TRAF3IP1: variants seen among roughly 807,000 people sequenced by gnomAD.
The protein encoded by TRAF3IP1 is TRAF3-interacting protein 1.
TRAF3IP1 carries 53 observed loss-of-function variants against 89.9 expected under a neutral mutation model. That is an observed-to-expected ratio of 0.59 (90% CI 0.47 to 0.74). TRAF3IP1 has a LOEUF of 0.74. TRAF3IP1 is among the 30% of genes least tolerant of loss of function. The pLI is 0.00. For missense variants in TRAF3IP1, 806 were observed against 866.1 expected (o/e 0.93, Z 0.87); for synonymous variants, 311 against 322.1 (o/e 0.97, Z 0.37).
chr2:238,368,673 T>C lies in TRAF3IP1; in HGVS notation c.1689+12593T>C, dbSNP rs180954366. On this transcript the variant is annotated intron_variant, in intron 15 of 16. Coordinates refer to ENST00000373327, the MANE Select transcript of TRAF3IP1 (RefSeq NM_015650.4). ...ATACATTTATTTTAGATATTGTTAT[T>C]AATAATTTTTTTTTGAGACGGAGTT... 5.5e-4 allele frequency among the ~76,000 whole-genome samples: 83 copies of C among 152,266 alleles called. 1 individual carries two copies. The East Asian group carries it at 0.012, about 22-fold the overall frequency.
chr2:238,354,204 C>CA (rs1032641176), intron 14 of TRAF3IP1, among the ~76,000 whole-genome samples: 2 of 152,208 alleles, frequency 1.3e-5, no homozygotes, highest in African/African-American at 2.4e-5. Flanking sequence ...CCTTTAGACA[C>CA]ATCCCAGTAC....
At chr2:238,339,708 A>G (rs1698547614) in intron 8 of TRAF3IP1, among the ~76,000 whole-genome samples, 1 of 152,194 alleles carries the variant, frequency 6.6e-6, no homozygotes, top group Non-Finnish European at 1.5e-5. Context: ...AGGGTGAACG[A>G]GGTGTCCATT....
chr2:238,324,462 C>T (rs1697712823), intron 1 of TRAF3IP1, among the ~76,000 whole-genome samples: 1 of 152,174 alleles, frequency 6.6e-6, no homozygotes, highest in African/African-American at 2.4e-5. Flanking sequence ...TCCTTCAGCT[C>T]AGTTCATGTC....
intron 15 of TRAF3IP1, among the ~76,000 whole-genome samples, chr2:238,372,943 T>C (rs1353328294): frequency 6.6e-6 from 1 of 152,256 alleles, no homozygotes; most frequent in Non-Finnish European, 1.5e-5. Context: ...TTGAGAAGTG[T>C]CTGTTCATAT....
chr2:238,371,171 G>A (rs1250528696), intron 15 of TRAF3IP1, among the ~76,000 whole-genome samples: 3 of 152,162 alleles, frequency 2.0e-5, no homozygotes, highest in Admixed American at 6.6e-5. Flanking sequence ...CGTAAAGAGC[G>A]TGAAGCTTGA....
At chr2:238,375,768 G>A (rs1321024098) in intron 15 of TRAF3IP1, among the ~76,000 whole-genome samples, 3 of 152,104 alleles carry the variant, frequency 2.0e-5, no homozygotes, top group African/African-American at 7.2e-5. Context: ...TGCTTTTGGC[G>A]AGTCGGTTAA....
chr2:238,367,722 AAT>A lies in TRAF3IP1; in HGVS notation c.1689+11643_1689+11644del, dbSNP rs1219615160. 2.0e-5 allele frequency among the ~76,000 whole-genome samples: 3 copies of A among 152,154 alleles called. No homozygotes were observed. The East Asian group carries it at 5.8e-4, about 29-fold the overall frequency. On this transcript the variant is annotated intron_variant, in intron 15 of 16. Transcript: ENST00000373327. ...CTGCACCACAACTCACTGCTGAGGA[AAT>A]TGAGGCTTAGGAGAGTCTCAGTCCC... is the stretch of plus-strand genomic sequence containing the variant.
chr2:238,397,408 G>T, intron 15 of TRAF3IP1, 51 bp from the exon 16 acceptor site: 1 of 1,565,808 alleles, frequency 6.4e-7, no homozygotes, highest in Non-Finnish European at 8.8e-7. Flanking sequence ...GCCCTGTTCT[G>T]CCTTTGGACT....
chr2:238,356,615 C>T lies in TRAF3IP1; in HGVS notation c.1689+535C>T, dbSNP rs554669194. Among the ~76,000 whole-genome samples, 6 of 152,184 alleles carry T rather than the reference C, an allele frequency of 3.9e-5. No individual in the cohort carries two copies. In the Middle Eastern group the frequency reaches 0.01, roughly 259 times the overall value. On this transcript the variant is annotated intron_variant, in intron 15 of 16. Transcript: ENST00000373327. ...CCAGCCCCGTCTTGGGAGGGGGCAG[C>T]GGCTTACTTGGGGAGCTCAGGAGCC...
chr2:238,344,043 T>C (rs751280033), intron 8 of TRAF3IP1, among the ~76,000 whole-genome samples: 3 of 152,124 alleles, frequency 2.0e-5, no homozygotes, highest in Non-Finnish European at 2.9e-5. Context: ...CAGTCAGTAA[T>C]TAGTAGACAA....
At chr2:238,365,639 T>C (rs1450032447) in intron 15 of TRAF3IP1, among the ~76,000 whole-genome samples, 5 of 151,166 alleles carry the variant, frequency 3.3e-5, no homozygotes, top group African/African-American at 4.9e-5. Flanking sequence ...GACTGGGTGA[T>C]AGTGTGAGAC....
At chr2:238,335,740 G>T (rs1488033625) in intron 7 of TRAF3IP1, among the ~76,000 whole-genome samples, 10 of 151,104 alleles carry the variant, frequency 6.6e-5, no homozygotes, top group Non-Finnish European at 1.5e-4. Flanking sequence ...GGTCACAGTG[G>T]TTGCTCGCTG....
chr2:238,332,424 G>A (rs975793507), intron 5 of TRAF3IP1, among the ~76,000 whole-genome samples: 14 of 152,288 alleles, frequency 9.2e-5, no homozygotes, highest in Non-Finnish European at 1.9e-4. Flanking sequence ...CAGCAGAGGC[G>A]GCTAGGAGCA....
Position 238,329,209 on chromosome 2 carries a change from G to A in TRAF3IP1, c.782G>A (p.Arg261Lys). The A allele has an allele frequency of 6.4e-7, 1 of 1,563,836 alleles. No homozygotes were observed. The highest frequency in any genetic ancestry group is 8.6e-7 in the Non-Finnish European group (1 of 1,158,882). The change falls in exon 5 of 17, where the codon AGA becomes AAA. Residue 261 changes from arginine (R) to lysine (K), a missense_variant. Physicochemically the swap from Arg to Lys is conservative, Grantham distance 26. This residue lies in a region of TRAF3IP1 where 732 missense variants were observed against 780.5 expected (regional missense o/e 0.94). Transcript: ENST00000373327. ...AGTGAGGGGGGGAAAGAGAAGGAGA[G>A]ACTGAGAGACAGGGACCGAGAGCGC... ...RKSEGGKEKE[R>K]LRDRDRERDR...
At chr2:238,377,295 G>A (rs554823069) in intron 15 of TRAF3IP1, among the ~76,000 whole-genome samples, 2 of 132,704 alleles carry the variant, frequency 1.5e-5, no homozygotes, top group South Asian at 4.8e-4. Context: ...GTGCAGTGGT[G>A]CAATCATGGC....
intron 16 of TRAF3IP1, 34 bp from the exon 17 acceptor site, chr2:238,398,716 TGAGA>T: frequency 6.5e-7 from 1 of 1,537,130 alleles, no homozygotes; most frequent in Non-Finnish European, 8.7e-7. Flanking sequence ...CACAATGAGA[TGAGA>T]GAGTGATGAG....
rs535722941 is a variant in TRAF3IP1 at position 238,329,569 on chromosome 2, G to A, written c.915+227G>A. On this transcript the variant is annotated intron_variant, in intron 5 of 16. Coordinates refer to ENST00000373327, the MANE Select transcript of TRAF3IP1 (RefSeq NM_015650.4). The stretch of plus-strand genomic sequence containing the variant: ...TCCCCTAATAGAAGTTTATTGTTCA[G>A]CCAATCATTTATTAAGGCATTATTC... Among the ~76,000 whole-genome samples the A allele has an allele frequency of 2.6e-5, 4 of 152,242 alleles. No homozygotes were observed. The East Asian group carries it at 5.8e-4, about 22-fold the overall frequency.
chr2:238,333,804 C>A (rs979043450), intron 6 of TRAF3IP1, among the ~76,000 whole-genome samples, 156 bp from the exon 7 acceptor site: 2 of 152,134 alleles, frequency 1.3e-5, no homozygotes, highest in African/African-American at 4.8e-5. Flanking sequence ...AGTCTCAGGT[C>A]TTGAGTCCTT....
chr2:238,329,189 G>A lies in TRAF3IP1; in HGVS notation c.762G>A (p.Glu254=), dbSNP rs150462938. The change falls in exon 5 of 17, where the codon GAG becomes GAA. Residue 254 remains glutamate (E), a synonymous_variant. Coordinates refer to ENST00000373327, the MANE Select transcript of TRAF3IP1 (RefSeq NM_015650.4). The part of the protein sequence containing the change: ...ERKKETERKS[E]GGKEKERLRD... Reference sequence around the variant, plus strand: ...AGAAGGAGACAGAGAGAAAGAGTGAGGGGGGGAAAGAGAAGGAGAGACTGA... The same window carrying A: ...AGAAGGAGACAGAGAGAAAGAGTGAAGGGGGGAAAGAGAAGGAGAGACTGA... 41 of 1,564,050 alleles carry A rather than the reference G, an allele frequency of 2.6e-5. No individual in the cohort carries two copies. Among genetic ancestry groups the A allele is most frequent in the Middle Eastern group, 1.7e-4 (1 of 5,792 alleles).
Sources: gnomAD v4.1 joint callset for allele counts (sites outside exome capture counted in the v4.1 genomes callset) on GRCh38, gnomAD v4.1.1 for gene constraint, gnomAD v4.1.1 regional missense constraint, MANE v1.5 for transcripts, NCBI Gene and HGNC (gene_info 2026-07-23, HGNC 2026-07-21) for gene names.